CATSPERE: variants seen among roughly 807,000 people sequenced by gnomAD.
The protein encoded by CATSPERE is catsper channel auxiliary subunit epsilon.
CATSPERE carries 93 observed loss-of-function variants against 114.1 expected under a neutral mutation model. The ratio of observed to expected loss-of-function variants is 0.81; its 90% CI spans 0.69 to 0.97. The LOEUF (loss-of-function observed/expected upper bound fraction) is 0.97. CATSPERE is among the 50% of genes least tolerant of loss of function. CATSPERE has a pLI of 0.00. For missense variants in CATSPERE, 1,058 were observed against 1,131.6 expected, an observed-to-expected ratio of 0.93 and a Z score of 0.93; for synonymous variants, 341 against 384.1, an observed-to-expected ratio of 0.89 and a Z score of 1.31.
rs147223517 is a variant in CATSPERE, at chr1:244,560,842, G to A, written c.1204G>A (p.Glu402Lys). ...GGTTGAGTATACAGGACACCCTCTG[G>A]AGATTGCTGTGTTTTTAAATTATTG... The part of the protein sequence containing the change: ...DRVEYTGHPL[E>K]IAVFLNYCTV... Residue 402 changes from glutamate (E) to lysine (K), a missense_variant, in exon 10 of 22, where the codon GAG becomes AAG. By Grantham distance (56) the Glu-to-Lys change is moderately conservative (BLOSUM62 1). Coordinates refer to ENST00000366534, the MANE Select transcript of CATSPERE (RefSeq NM_001130957.2). 16 of 1,613,954 alleles carry A rather than the reference G, an allele frequency of 9.9e-6. No individual in the cohort carries two copies. Among genetic ancestry groups the A allele is most frequent in the Middle Eastern group, 1.6e-4 (1 of 6,084 alleles).
At chr1:244,608,131 T>A (rs577144006) in intron 18 of CATSPERE, among the ~76,000 whole-genome samples, 110 of 152,232 alleles carry the variant, frequency 7.2e-4, no homozygotes, top group Admixed American at 1.2e-3. Flanking sequence ...ATAATTTTTT[T>A]AAAAAGAATT....
At chr1:244,496,931 G>A (rs1401471215) in intron 6 of CATSPERE, among the ~76,000 whole-genome samples, 1 of 152,074 alleles carries the variant, frequency 6.6e-6, no homozygotes, top group Non-Finnish European at 1.5e-5. Flanking sequence ...AATACAGTTA[G>A]GTCTTTACTA....
chr1:244,453,019 T>C (rs908860958), upstream of CATSPERE, among the ~76,000 whole-genome samples: 10 of 152,234 alleles, frequency 6.6e-5, no homozygotes, highest in African/African-American at 2.4e-4. Context: ...GAGTACACTT[T>C]AGTATTTTAT....
intron 8 of CATSPERE, among the ~76,000 whole-genome samples, chr1:244,523,031 A>T: frequency 8.4e-6 from 1 of 118,774 alleles, no homozygotes; most frequent in East Asian, 1.9e-4. Flanking sequence ...AGACACAACC[A>T]AAAAAAGAGA....
chr1:244,497,491 G>T (rs543776263), intron 6 of CATSPERE, among the ~76,000 whole-genome samples: 1 of 152,266 alleles, frequency 6.6e-6, no homozygotes, highest in Admixed American at 6.5e-5. Flanking sequence ...GAGAAATGCA[G>T]ATTTAAACTA....
Position 244,572,677 on chromosome 1 carries a change from C to T in CATSPERE, c.1855C>T (p.Leu619=). Residue 619 remains leucine (L), a synonymous_variant, in exon 11 of 22, where the codon CTG becomes TTG. Transcript: ENST00000366534. ...GATCGTCTATCCAGAAAACACTGGTCTGTATGTTATTGTGGAATCTTATGG... is the reference window on the plus strand; with the variant it reads ...GATCGTCTATCCAGAAAACACTGGTTTGTATGTTATTGTGGAATCTTATGG... ...TQIVYPENTG[L]YVIVESYGPK... is the part of the protein sequence containing the mutation. 3 of 1,613,806 alleles carry T rather than the reference C, an allele frequency of 1.9e-6. No homozygotes were observed. The highest frequency in any genetic ancestry group is 8.5e-7 in the Non-Finnish European group (1 of 1,179,766).
rs1233129772 is a variant in CATSPERE at position 244,633,546 on chromosome 1, T to C, written c.2649-1943T>C. On this transcript the variant is annotated intron_variant, in intron 20 of 21. Transcript: ENST00000366534. This position sits in a 1 kb window ranked among gnomAD's most constrained non-coding sequence, Gnocchi z 4.1. ...TTCAAAAACAGTCATGACTCCTTTA[T>C]ACAAAAAGGGTAAAGTCAAAATTCC... Among the ~76,000 whole-genome samples the C allele has an allele frequency of 6.6e-6, 1 of 152,124 alleles. No homozygotes were observed. Among genetic ancestry groups the C allele is most frequent in the Non-Finnish European group, 1.5e-5 (1 of 68,028 alleles).
At chr1:244,562,760 G>T (rs930093867) in intron 10 of CATSPERE, among the ~76,000 whole-genome samples, 1 of 151,734 alleles carries the variant, frequency 6.6e-6, no homozygotes, top group East Asian at 1.9e-4. Flanking sequence ...TATACTTTAA[G>T]TTCTGGGATA....
chr1:244,516,525 T>G (rs796387965), intron 7 of CATSPERE, among the ~76,000 whole-genome samples: 2 of 145,472 alleles, frequency 1.4e-5, no homozygotes, highest in African/African-American at 5.0e-5. Flanking sequence ...AAGGGTTTTG[T>G]TTTTTTTTTT....
At position 244,568,503 on chromosome 1, in the gene CATSPERE, G is replaced by A. The variant is rs903273259; in HGVS notation, c.1508-3827G>A. ...ATGAGGGTTTTATCTATAAGCCCCTGAGTGGGGCTGCTGCCTTTCTTTCAG... is the reference window on the plus strand; with the variant it reads ...ATGAGGGTTTTATCTATAAGCCCCTAAGTGGGGCTGCTGCCTTTCTTTCAG... On this transcript the variant is annotated intron_variant, in intron 10 of 21. Transcript: ENST00000366534. The surrounding 1 kb of genome is among the most constrained non-coding windows in gnomAD (Gnocchi z 4.4). Among the ~76,000 whole-genome samples the A allele has an allele frequency of 6.6e-6, 1 of 152,262 alleles. No homozygotes were observed. Among genetic ancestry groups the A allele is most frequent in the Non-Finnish European group, 1.5e-5 (1 of 68,046 alleles).
intron 20 of CATSPERE, among the ~76,000 whole-genome samples, chr1:244,622,401 C>CTTTTT (rs142928066): frequency 8.8e-5 from 8 of 90,564 alleles, no homozygotes; most frequent in African/African-American, 2.0e-4. Flanking sequence ...CTTTCCTTTT[C>CTTTTT]TTTTTTTTTT....
chr1:244,594,979 T>C (rs1437663571), intron 17 of CATSPERE, among the ~76,000 whole-genome samples: 1 of 152,098 alleles, frequency 6.6e-6, no homozygotes, highest in Non-Finnish European at 1.5e-5. Flanking sequence ...ATGTCACTGC[T>C]TTTCCTGGGC....
At chr1:244,596,282 C>G (rs1393370746) in intron 17 of CATSPERE, among the ~76,000 whole-genome samples, 1 of 152,206 alleles carries the variant, frequency 6.6e-6, no homozygotes, top group East Asian at 1.9e-4. Context: ...TAGCCCTCCC[C>G]TTATTTAGCA....
intron 20 of CATSPERE, among the ~76,000 whole-genome samples, chr1:244,620,043 A>G (rs764635239): frequency 3.9e-5 from 6 of 152,220 alleles, no homozygotes; most frequent in Admixed American, 6.5e-5. Context: ...TCAAGAGATA[A>G]GTAAAGTGGA....
At chr1:244,468,945 T>C (rs1354621605) in intron 2 of CATSPERE, among the ~76,000 whole-genome samples, 1 of 152,120 alleles carries the variant, frequency 6.6e-6, no homozygotes, top group African/African-American at 2.4e-5. Context: ...AAATATTGAA[T>C]GTACAGAATA....
intron 7 of CATSPERE, among the ~76,000 whole-genome samples, chr1:244,512,473 T>C (rs1262044752): frequency 6.6e-6 from 1 of 152,182 alleles, no homozygotes; most frequent in Non-Finnish European, 1.5e-5. Context: ...TGTTTATTTG[T>C]GTTCTCTTGT....
intron 8 of CATSPERE, among the ~76,000 whole-genome samples, chr1:244,543,733 C>T (rs1458156790): frequency 1.3e-5 from 2 of 150,508 alleles, no homozygotes; most frequent in African/African-American, 4.9e-5. Context: ...TCCAGCCCTC[C>T]TCCCTAAATA....
At chr1:244,625,114 A>C (rs1294153810) in intron 20 of CATSPERE, among the ~76,000 whole-genome samples, 2 of 151,914 alleles carry the variant, frequency 1.3e-5, no homozygotes, top group Non-Finnish European at 2.9e-5. Context: ...CCAGGTTTTC[A>C]ATTTATTTTG....
At chr1:244,620,708 A>C (rs1671976329) in intron 20 of CATSPERE, among the ~76,000 whole-genome samples, 1 of 152,030 alleles carries the variant, frequency 6.6e-6, no homozygotes, top group Non-Finnish European at 1.5e-5. Flanking sequence ...ACACCTTTTA[A>C]ATGCGTGGCC....
Sources: allele counts gnomAD v4.1 joint callset (sites outside exome capture counted in the v4.1 genomes callset), GRCh38; gene constraint gnomAD v4.1.1; non-coding constraint Gnocchi (gnomAD v3.1); transcripts MANE v1.5; gene names NCBI Gene and HGNC (gene_info 2026-07-23, HGNC 2026-07-21).